The following ENTREP2 variants were observed in gnomAD, a reference collection of about 807,000 sequenced individuals.
ENTREP2 encodes protein ENTREP2.
At chr15:29,118,955 C>T in the ENTREP2 span, among the ~76,000 whole-genome samples, 1 of 152,212 alleles carries the variant, frequency 6.6e-6, no homozygotes, top group Non-Finnish European at 1.5e-5. Flanking sequence ...CTGGCCTGCC[C>T]ACAGCAGCGT....
At chr15:29,408,890 C>A in the ENTREP2 span, among the ~76,000 whole-genome samples, 1 of 152,150 alleles carries the variant, frequency 6.6e-6, no homozygotes, top group African/African-American at 2.4e-5. Flanking sequence ...AAATTACAAA[C>A]CATGACATTT....
chr15:29,664,402 C>G, the ENTREP2 span, among the ~76,000 whole-genome samples: 1 of 151,858 alleles, frequency 6.6e-6, no homozygotes, highest in African/African-American at 2.4e-5. Context: ...TGCAAGCCAA[C>G]TATAATTTTC....
the ENTREP2 span, among the ~76,000 whole-genome samples, chr15:29,341,064 A>G: frequency 6.6e-6 from 1 of 152,214 alleles, no homozygotes; most frequent in African/African-American, 2.4e-5. Context: ...GAAGGAGAGA[A>G]CCAATAACCA....
At chr15:29,386,662 GC>G in the ENTREP2 span, among the ~76,000 whole-genome samples, 2 of 152,206 alleles carry the variant, frequency 1.3e-5, no homozygotes, top group African/African-American at 4.8e-5. Context: ...TGGAGATGGG[GC>G]CTCTGGGAGG....
the ENTREP2 span, among the ~76,000 whole-genome samples, chr15:29,516,867 G>C: frequency 6.7e-6 from 1 of 148,872 alleles, no homozygotes; most frequent in African/African-American, 2.5e-5. Context: ...TCTGGGGTGA[G>C]TTAGGCTATG....
At chr15:29,538,566 G>A in the ENTREP2 span, among the ~76,000 whole-genome samples, 84 of 150,890 alleles carry the variant, frequency 5.6e-4, no homozygotes, top group Non-Finnish European at 9.1e-4. Context: ...AGGCTGAGGC[G>A]GGCAGATCAC....
chr15:29,652,780 G>A, the ENTREP2 span, among the ~76,000 whole-genome samples: 6 of 152,210 alleles, frequency 3.9e-5, no homozygotes, highest in South Asian at 2.1e-4. Context: ...TGCAGCGGCC[G>A]GACTCCACAC....
chr15:29,269,353 T>C, the ENTREP2 span: 2 of 1,614,140 alleles, frequency 1.2e-6, no homozygotes, highest in South Asian at 2.2e-5. Flanking sequence ...GTCCTTGTAG[T>C]CCCCGATGAC....
the ENTREP2 span, among the ~76,000 whole-genome samples, chr15:29,430,948 A>C: frequency 1.3e-5 from 2 of 152,104 alleles, no homozygotes; most frequent in Non-Finnish European, 2.9e-5. Context: ...CCACCCTCCC[A>C]GATGTCTTTC....
chr15:29,476,417 G>A, the ENTREP2 span, among the ~76,000 whole-genome samples: 3 of 152,156 alleles, frequency 2.0e-5, no homozygotes, highest in African/African-American at 2.4e-5. Context: ...AAAGTGGGAG[G>A]AGAAAATGAC....
the ENTREP2 span, among the ~76,000 whole-genome samples, chr15:29,189,166 A>C: frequency 6.6e-6 from 1 of 152,200 alleles, no homozygotes; most frequent in African/African-American, 2.4e-5. Context: ...CATTGGCCAG[A>C]AGTACAGGTC....
the ENTREP2 span, among the ~76,000 whole-genome samples, chr15:29,640,678 A>AAAACAAAACAAAAC: frequency 7.3e-5 from 9 of 122,928 alleles, no homozygotes; most frequent in African/African-American, 3.7e-4. Context: ...CAAAACAAAA[A>AAAACAAAACAAAAC]AACCAAAAAG....
the ENTREP2 span, among the ~76,000 whole-genome samples, chr15:29,548,921 T>G: frequency 6.6e-6 from 1 of 152,184 alleles, no homozygotes; most frequent in African/African-American, 2.4e-5. Flanking sequence ...GCTTGTGTAA[T>G]GAACTGCAAC....
the ENTREP2 span, among the ~76,000 whole-genome samples, chr15:29,490,966 C>T: frequency 1.3e-5 from 2 of 152,186 alleles, no homozygotes; most frequent in African/African-American, 2.4e-5. Context: ...TCGGGCAGCA[C>T]GGGAGCCCAC....
chr15:29,221,871 A>G, the ENTREP2 span, among the ~76,000 whole-genome samples: 3 of 152,256 alleles, frequency 2.0e-5, no homozygotes, highest in African/African-American at 4.8e-5. Context: ...AGTGCTTGGA[A>G]TAACAAAAGA....
At chr15:29,226,229 T>A in the ENTREP2 span, among the ~76,000 whole-genome samples, 1 of 152,230 alleles carries the variant, frequency 6.6e-6, no homozygotes. Flanking sequence ...CACTGTTACC[T>A]TAAAACATAC....
At chr15:29,212,426 C>G in the ENTREP2 span, among the ~76,000 whole-genome samples, 2 of 152,100 alleles carry the variant, frequency 1.3e-5, no homozygotes, top group South Asian at 4.2e-4. Context: ...TTTCAAAGAA[C>G]CGGCTTTTTG....
At chr15:29,248,420 C>T in the ENTREP2 span, among the ~76,000 whole-genome samples, 2 of 151,902 alleles carry the variant, frequency 1.3e-5, no homozygotes, top group Non-Finnish European at 2.9e-5. Flanking sequence ...AATAACAATC[C>T]AGGGAATATA....
At chr15:29,190,575 C>T in the ENTREP2 span, among the ~76,000 whole-genome samples, 1 of 152,106 alleles carries the variant, frequency 6.6e-6, no homozygotes, top group African/African-American at 2.4e-5. Context: ...CCTGTACAGC[C>T]TTCCAGGTAT....
Sources: allele counts gnomAD v4.1 joint callset (sites outside exome capture counted in the v4.1 genomes callset), GRCh38; gene constraint gnomAD v4.1.1; transcripts MANE v1.5; gene names NCBI Gene and HGNC (gene_info 2026-07-23, HGNC 2026-07-21).